Variants in WDPCP observed in about 807,000 individuals in gnomAD.
WDPCP encodes the protein WD repeat containing planar cell polarity effector.
In WDPCP, 71 loss-of-function variants were observed where a neutral mutation model predicts 93.1. The ratio of observed to expected loss-of-function variants is 0.76; its 90% CI spans 0.63 to 0.93. The LOEUF is 0.93. WDPCP is among the 40% of genes least tolerant of loss of function. The pLI is 0.00. For synonymous variants in WDPCP, 315 were observed against 315.0 expected (o/e 1.00, Z 0.00); for missense variants, 844 against 887.4 (o/e 0.95, Z 0.62).
At chr2:63,181,788 AATG>A (rs2104097311) in intron 14 of WDPCP, among the ~76,000 whole-genome samples, 1 of 151,164 alleles carries the variant, frequency 6.6e-6, no homozygotes, top group Admixed American at 6.6e-5. Flanking sequence ...GTTTTTTTTT[AATG>A]ATATTGATTT....
At chr2:63,797,414 G>A (rs1311418532) in intron 2 of WDPCP, among the ~76,000 whole-genome samples, 2 of 151,978 alleles carry the variant, frequency 1.3e-5, no homozygotes, top group Non-Finnish European at 2.9e-5. Context: ...CATGGCCCCT[G>A]GACGGCATTT....
intron 2 of WDPCP, among the ~76,000 whole-genome samples, chr2:63,712,997 T>C (rs1324163662): frequency 6.6e-6 from 1 of 152,210 alleles, no homozygotes; most frequent in East Asian, 1.9e-4. Flanking sequence ...CAGGGTTCTC[T>C]AAGGATTCAT....
chr2:63,769,101 T>C (rs146954138), intron 2 of WDPCP, among the ~76,000 whole-genome samples: 8 of 152,080 alleles, frequency 5.3e-5, no homozygotes, highest in Admixed American at 2.0e-4. Context: ...AAATTCTTCA[T>C]GAAATTCTCA....
At chr2:63,527,032 A>C (rs576105313) in intron 1 of WDPCP, among the ~76,000 whole-genome samples, 11 of 152,308 alleles carry the variant, frequency 7.2e-5, no homozygotes, top group Non-Finnish European at 1.2e-4. Flanking sequence ...AAAAGAAATA[A>C]CTTTTATTTT....
intron 3 of WDPCP, chr2:63,604,642 A>G (rs757476248): frequency 1.4e-5 from 20 of 1,446,112 alleles, no homozygotes; most frequent in African/African-American, 2.8e-5. Context: ...ACAGGTCCCA[A>G]TTGGAAATAA....
At chr2:63,513,460 G>T (rs1437074607) in intron 1 of WDPCP, among the ~76,000 whole-genome samples, 4 of 152,040 alleles carry the variant, frequency 2.6e-5, no homozygotes, top group Non-Finnish European at 2.9e-5. Flanking sequence ...GCACTTTAAA[G>T]GGGATTTGAA....
chr2:63,365,145 T>C (rs1001877751), intron 12 of WDPCP, among the ~76,000 whole-genome samples: 22 of 152,190 alleles, frequency 1.4e-4, no homozygotes, highest in African/African-American at 5.3e-4. Context: ...AGTGTTGTTG[T>C]AAGGATTATA....
chr2:63,713,127 A>G (rs1436291030), intron 2 of WDPCP, among the ~76,000 whole-genome samples: 1 of 152,234 alleles, frequency 6.6e-6, no homozygotes, highest in Non-Finnish European at 1.5e-5. Context: ...CTATGTGGGC[A>G]TATTGTCTCA....
chr2:63,189,154 G>C (rs1674859033), intron 14 of WDPCP, among the ~76,000 whole-genome samples: 1 of 152,170 alleles, frequency 6.6e-6, no homozygotes, highest in Admixed American at 6.5e-5. Context: ...GAACCGCAGA[G>C]TCTCTCCTGT....
At chr2:63,333,522 G>A (rs181098001) in intron 12 of WDPCP, among the ~76,000 whole-genome samples, 98 of 152,220 alleles carry the variant, frequency 6.4e-4, no homozygotes, top group Admixed American at 2.3e-3. Context: ...GAGAGCTTCC[G>A]CTACACAATA....
chr2:63,526,346 G>T (rs974710920), intron 1 of WDPCP, among the ~76,000 whole-genome samples: 5 of 152,088 alleles, frequency 3.3e-5, no homozygotes. Context: ...ACTATTATGG[G>T]TATCTTTTCA....
At chr2:63,652,902 AG>A (rs766828822) in intron 2 of WDPCP, among the ~76,000 whole-genome samples, 7 of 152,236 alleles carry the variant, frequency 4.6e-5, no homozygotes, top group Non-Finnish European at 1.0e-4. Flanking sequence ...GGTAACTACT[AG>A]AAGTCTGCAC....
At chr2:63,306,366 G>A (rs866939488) in intron 13 of WDPCP, among the ~76,000 whole-genome samples, 7 of 152,146 alleles carry the variant, frequency 4.6e-5, no homozygotes, top group African/African-American at 1.7e-4. Context: ...TAGAAAAAGA[G>A]GGACTCCTCC....
intron 2 of WDPCP, among the ~76,000 whole-genome samples, chr2:63,806,916 C>G (rs954515922): frequency 3.3e-5 from 5 of 152,096 alleles, no homozygotes; most frequent in Non-Finnish European, 7.4e-5. Context: ...ACATGCTGTA[C>G]AATTTGTGCA....
chr2:63,267,969 G>T (rs1344491640), intron 13 of WDPCP, among the ~76,000 whole-genome samples: 1 of 151,902 alleles, frequency 6.6e-6, no homozygotes, highest in Non-Finnish European at 1.5e-5. Flanking sequence ...TGCGCTTCTG[G>T]GTATATATCC....
chr2:63,464,978 T>C (rs899581302), intron 6 of WDPCP, among the ~76,000 whole-genome samples: 2 of 152,070 alleles, frequency 1.3e-5, no homozygotes, highest in African/African-American at 4.8e-5. Context: ...ATAATGTGAA[T>C]ATACTTAACA....
chr2:63,595,824 CACATTATAGACAACGTAGG>C (rs1407144272), intron 3 of WDPCP, among the ~76,000 whole-genome samples: 1 of 152,144 alleles, frequency 6.6e-6, no homozygotes, highest in Non-Finnish European at 1.5e-5. Flanking sequence ...TACACACACA[CACATTATAGACAACGTAGG>C]AATTGTCTAC....
At chr2:63,718,357 A>G (rs562883755) in intron 2 of WDPCP, among the ~76,000 whole-genome samples, 45 of 152,290 alleles carry the variant, frequency 3.0e-4, no homozygotes, top group African/African-American at 1.1e-3. Context: ...GGGTTTTACT[A>G]ATTTATGTTC....
At chr2:63,514,114 T>G (rs1702408731) in intron 1 of WDPCP, among the ~76,000 whole-genome samples, 2 of 152,134 alleles carry the variant, frequency 1.3e-5, no homozygotes, top group South Asian at 4.1e-4. Context: ...TTTATAAACA[T>G]GGAAGCAAAT....
Sources: allele counts gnomAD v4.1 joint callset (sites outside exome capture counted in the v4.1 genomes callset), GRCh38; gene constraint gnomAD v4.1.1; transcripts MANE v1.5; gene names NCBI Gene and HGNC (gene_info 2026-07-23, HGNC 2026-07-21).